NRXN1: variants seen among roughly 807,000 people sequenced by gnomAD.
The protein encoded by NRXN1 is neurexin 1, also known as neurexin-1.
In NRXN1, 39 loss-of-function variants were observed where a neutral mutation model predicts 150.9. That is an observed-to-expected ratio of 0.26 (90% CI 0.20 to 0.34). The LOEUF is 0.34. NRXN1 is among the 10% of genes least tolerant of loss of function. NRXN1 has a pLI of 1.00. For missense variants in NRXN1, 1,815 were observed against 1,949.9 expected (o/e 0.93, Z 1.30); for synonymous variants, 924 against 757.0 (o/e 1.22, Z -3.62).
At chr2:50,790,118 C>T (rs1705718403) in intron 5 of NRXN1, among the ~76,000 whole-genome samples, 1 of 150,312 alleles carries the variant, frequency 6.7e-6, no homozygotes, top group African/African-American at 2.5e-5. Flanking sequence ...GCTTTTAACT[C>T]TCCTTATTCC....
intron 18 of NRXN1, among the ~76,000 whole-genome samples, chr2:50,155,210 T>G (rs926991501): frequency 5.9e-5 from 9 of 151,690 alleles, no homozygotes; most frequent in African/African-American, 2.2e-4. Flanking sequence ...GTTGAAAATG[T>G]AATTCCTTTC....
intron 17 of NRXN1, among the ~76,000 whole-genome samples, chr2:50,281,162 A>AT (rs2071397247): frequency 6.6e-6 from 1 of 150,494 alleles, no homozygotes; most frequent in Non-Finnish European, 1.5e-5. Flanking sequence ...AAAAAAAAAA[A>AT]AAAAAATTAG....
At chr2:50,182,604 T>A (rs979808103) in intron 18 of NRXN1, among the ~76,000 whole-genome samples, 1 of 152,088 alleles carries the variant, frequency 6.6e-6, no homozygotes, top group Non-Finnish European at 1.5e-5. Context: ...TGGATTTCTG[T>A]TGTTTCTCTT....
intron 21 of NRXN1, among the ~76,000 whole-genome samples, chr2:50,029,820 ACTTT>A (rs1384910655): frequency 6.6e-6 from 1 of 152,192 alleles, no homozygotes; most frequent in Non-Finnish European, 1.5e-5. Flanking sequence ...GACTAGAGGG[ACTTT>A]CTTAGCCTTA....
intron 18 of NRXN1, among the ~76,000 whole-genome samples, chr2:50,112,279 C>G (rs1245165225): frequency 6.6e-6 from 1 of 152,178 alleles, no homozygotes; most frequent in Non-Finnish European, 1.5e-5. Flanking sequence ...GGCTTAAACT[C>G]CCTTGGGTCC....
intron 2 of NRXN1, among the ~76,000 whole-genome samples, chr2:50,947,289 A>G (rs1690551861): frequency 1.3e-5 from 2 of 152,052 alleles, no homozygotes; most frequent in Non-Finnish European, 2.9e-5. Context: ...CATTCAATAA[A>G]TGTTTGGTGA....
At chr2:50,433,303 TTC>T (rs1433529246) in intron 17 of NRXN1, among the ~76,000 whole-genome samples, 33 of 152,202 alleles carry the variant, frequency 2.2e-4, no homozygotes, top group African/African-American at 7.5e-4. Context: ...TTGCAGAGTC[TTC>T]TGATTCACAT....
chr2:50,275,070 A>G (rs1196745573), intron 17 of NRXN1, among the ~76,000 whole-genome samples: 1 of 152,188 alleles, frequency 6.6e-6, no homozygotes, highest in Non-Finnish European at 1.5e-5. Context: ...AACACCAAGA[A>G]TATCATCACT....
At chr2:50,838,343 G>C (rs1672389070) in intron 5 of NRXN1, among the ~76,000 whole-genome samples, 1 of 152,066 alleles carries the variant, frequency 6.6e-6, no homozygotes, top group Non-Finnish European at 1.5e-5. Flanking sequence ...TGGTTTTAAG[G>C]AATATTTTGG....
chr2:50,342,497 G>A (rs894634249), intron 17 of NRXN1, among the ~76,000 whole-genome samples: 4 of 152,146 alleles, frequency 2.6e-5, no homozygotes, highest in African/African-American at 9.7e-5. Flanking sequence ...ATTGTCAAAG[G>A]TTTTGCTAGC....
chr2:50,415,049 A>G lies in NRXN1; in HGVS notation c.3364+50393T>C, dbSNP rs537749206. ...CTATGACATGGATCAGGCACATTAA[A>G]CATAGTTCTACATGAAGGAGTAAAG... On this transcript the variant is annotated intron_variant, in intron 17 of 22. Coordinates refer to ENST00000401669, the MANE Select transcript of NRXN1 (RefSeq NM_001330078.2). Among the ~76,000 whole-genome samples, 4 of 152,260 alleles carry G rather than the reference A, an allele frequency of 2.6e-5. No homozygotes were observed. The South Asian group carries it at 8.3e-4, about 32-fold the overall frequency.
chr2:50,249,021 G>C (rs2066781273), intron 17 of NRXN1, among the ~76,000 whole-genome samples: 2 of 149,696 alleles, frequency 1.3e-5, no homozygotes, highest in African/African-American at 2.5e-5. Context: ...GCTGGGTGTG[G>C]TGGCACACAT....
intron 21 of NRXN1, among the ~76,000 whole-genome samples, chr2:50,049,604 A>T (rs1692385172): frequency 6.6e-6 from 1 of 152,192 alleles, no homozygotes; most frequent in Non-Finnish European, 1.5e-5. Context: ...AAAAGATCGT[A>T]AAATGTGCTA....
intron 17 of NRXN1, among the ~76,000 whole-genome samples, chr2:50,447,737 T>TTTATATATATA (rs1208594855): frequency 2.6e-5 from 1 of 37,934 alleles, no homozygotes; most frequent in Non-Finnish European, 4.3e-5. Flanking sequence ...CAGGGGAACG[T>TTTATATATATA]TATATATATA....
rs74368548 is a variant in NRXN1 at position 51,012,979 on chromosome 2, A to G, written c.772+14523T>C. On this transcript the variant is annotated intron_variant, in intron 2 of 22. Coordinates refer to ENST00000401669, the MANE Select transcript of NRXN1 (RefSeq NM_001330078.2). ...CAAAGACCCTTTCACCCAAAGCTGT[A>G]TTTCACAGAGGAAGAACAATTACAT... Among the ~76,000 whole-genome samples the G allele has an allele frequency of 3.8e-3, 578 of 152,146 alleles. 5 individuals are homozygous for G. Among genetic ancestry groups the G allele is most frequent in the African/African-American group, 0.013 (547 of 41,540 alleles).
At chr2:50,379,970 G>A (rs575401306) in intron 17 of NRXN1, among the ~76,000 whole-genome samples, 1 of 152,108 alleles carries the variant, frequency 6.6e-6, no homozygotes, top group African/African-American at 2.4e-5. Context: ...CCTGATCACA[G>A]ATTTATAAAA....
intron 5 of NRXN1, among the ~76,000 whole-genome samples, chr2:50,902,529 T>G (rs1683101702): frequency 6.6e-6 from 1 of 152,190 alleles, no homozygotes. Flanking sequence ...ATCAGTTAAT[T>G]TTGTTTTCTA....
At chr2:50,360,145 T>A (rs993604828) in intron 17 of NRXN1, among the ~76,000 whole-genome samples, 2 of 152,186 alleles carry the variant, frequency 1.3e-5, no homozygotes, top group Non-Finnish European at 2.9e-5. Flanking sequence ...TACCAGTCAC[T>A]GTAATGTGAA....
intron 5 of NRXN1, among the ~76,000 whole-genome samples, chr2:50,633,521 GT>G (rs138488413): frequency 4.1e-5 from 6 of 144,876 alleles, no homozygotes; most frequent in Admixed American, 6.9e-5. Flanking sequence ...ATTTTGTTTT[GT>G]TTTTTTTTTC....
Sources: gnomAD v4.1 joint callset for allele counts (sites outside exome capture counted in the v4.1 genomes callset) on GRCh38, gnomAD v4.1.1 for gene constraint, MANE v1.5 for transcripts, NCBI Gene and HGNC (gene_info 2026-07-23, HGNC 2026-07-21) for gene names.